Variants in STIM2 observed in about 807,000 individuals in gnomAD.
The protein encoded by STIM2 is stromal interaction molecule 2.
A neutral mutation model predicts 85.8 loss-of-function variants in STIM2; 31 were observed. The ratio of observed to expected loss-of-function variants is 0.36; its 90% CI spans 0.27 to 0.49. The LOEUF is 0.49. Ranked by LOEUF, STIM2 falls within the 20% of genes least tolerant of loss-of-function variation. STIM2 has a pLI of 0.98. For synonymous variants in STIM2, 356 were observed against 331.1 expected, an observed-to-expected ratio of 1.08 and a Z score of -0.82; for missense variants, 841 against 927.6, an observed-to-expected ratio of 0.91 and a Z score of 1.21.
intron 3 of STIM2, among the ~76,000 whole-genome samples, chr4:26,960,996 C>A (rs1014856348): frequency 6.7e-6 from 1 of 149,902 alleles, no homozygotes; most frequent in African/African-American, 2.5e-5. Context: ...CCTGGGAGTG[C>A]GCTACTGCAC....
At chr4:26,874,883 G>A (rs747922492) in intron 1 of STIM2, among the ~76,000 whole-genome samples, 3 of 152,188 alleles carry the variant, frequency 2.0e-5, no homozygotes, top group Non-Finnish European at 4.4e-5. Flanking sequence ...TGAAGGTGCT[G>A]CTGTCATAAT....
At chr4:26,881,238 G>A (rs1037724835) in intron 1 of STIM2, among the ~76,000 whole-genome samples, 4 of 152,122 alleles carry the variant, frequency 2.6e-5, no homozygotes, top group African/African-American at 7.2e-5. Flanking sequence ...GGCCTAGGCA[G>A]GTGGATCATC....
intron 1 of STIM2, among the ~76,000 whole-genome samples, chr4:26,880,231 C>T (rs139427686): frequency 1.1e-3 from 162 of 152,196 alleles, no homozygotes; most frequent in African/African-American, 3.7e-3. Context: ...TGGGCCCTGG[C>T]GCTTGAGGTT....
At chr4:26,941,833 C>G (rs2109082206) in intron 2 of STIM2, among the ~76,000 whole-genome samples, 1 of 152,086 alleles carries the variant, frequency 6.6e-6, no homozygotes, top group Non-Finnish European at 1.5e-5. Flanking sequence ...ATTTTATATA[C>G]AATTCAATGT....
At chr4:26,936,825 T>C (rs1393789001) in intron 2 of STIM2, among the ~76,000 whole-genome samples, 3 of 152,234 alleles carry the variant, frequency 2.0e-5, no homozygotes, top group African/African-American at 7.2e-5. Flanking sequence ...CATGTCGCTC[T>C]GTCACCCAGG....
chr4:26,991,356 C>A (rs972906609), intron 3 of STIM2, among the ~76,000 whole-genome samples: 16 of 151,934 alleles, frequency 1.1e-4, no homozygotes, highest in Non-Finnish European at 2.9e-5. Context: ...CGTTCTTCCT[C>A]AGATATAGGA....
rs752672938 is a variant in STIM2 at position 27,007,536 on chromosome 4, C to T, written c.985C>T (p.Arg329Cys). ...CTCCTTCCTTTCCTTCTTCTAGGTTCGCATGGCTCTGAAAAAGGCCGAAAA... is the reference window on the plus strand; with the variant it reads ...CTCCTTCCTTTCCTTCTTCTAGGTTTGCATGGCTCTGAAAAAGGCCGAAAA... The change falls in exon 8 of 12, where the codon CGC (arginine) becomes TGC (cysteine). Residue 329 changes from arginine to cysteine, a missense_variant. By Grantham distance (180) the Arg-to-Cys change is radical (BLOSUM62 -3). This residue lies in a region of STIM2 where 408 missense variants were observed against 525.4 expected (regional missense o/e 0.78). Transcript: ENST00000467087. The T allele has an allele frequency of 3.3e-6, 5 of 1,518,948 alleles. No homozygotes were observed. Among genetic ancestry groups the T allele is most frequent in the Admixed American group, 2.0e-5 (1 of 49,736 alleles). The allele number at this position is 1,518,948 out of a possible 1,614,324, so 94.1% of individuals were successfully genotyped here.
Position 27,024,923 on chromosome 4 carries a change from A to T in STIM2, c.*1927A>T, listed in dbSNP as rs1729034111. 1 of 152,226 alleles carries T rather than the reference A, an allele frequency of 6.6e-6. No individual in the cohort carries two copies. Among genetic ancestry groups the T allele is most frequent in the East Asian group, 1.9e-4 (1 of 5,202 alleles). 9.4% of individuals were successfully genotyped at this position (152,226 alleles called of 1,614,324 possible). A position where few individuals can be genotyped will look rare whatever the true frequency, so the allele number is the denominator to read the frequency against. ...GCAGTTGGATGAATAGAGAAGGGAA[A>T]AGTTGCTGGAGCACGGAGTGAAGAT... is the stretch of plus-strand genomic sequence containing the variant. On this transcript the variant is annotated 3_prime_UTR_variant, in exon 12 of 12. Coordinates refer to ENST00000467087, the MANE Select transcript of STIM2 (RefSeq NM_020860.4).
chr4:26,872,723 G>T (rs1015304849), intron 1 of STIM2, among the ~76,000 whole-genome samples: 4 of 152,214 alleles, frequency 2.6e-5, no homozygotes, highest in Non-Finnish European at 5.9e-5. Flanking sequence ...TTGCATTTCA[G>T]TTGGGAAGAT....
At chr4:26,914,778 T>C (rs1050755881) in intron 1 of STIM2, among the ~76,000 whole-genome samples, 1 of 152,218 alleles carries the variant, frequency 6.6e-6, no homozygotes, top group Admixed American at 6.5e-5. Context: ...AATGGTTTGT[T>C]CAAGGGGAGT....
chr4:26,952,263 G>T (rs1411207483), intron 2 of STIM2, among the ~76,000 whole-genome samples: 1 of 152,000 alleles, frequency 6.6e-6, no homozygotes. Context: ...ACAAATTACG[G>T]TGTCTTGGGT....
intron 1 of STIM2, among the ~76,000 whole-genome samples, chr4:26,886,204 TTTTTCTGTG>T (rs1723241500): frequency 6.6e-6 from 1 of 152,130 alleles, no homozygotes; most frequent in African/African-American, 2.4e-5. Flanking sequence ...TTCTTAAAGC[TTTTTCTGTG>T]TAGGAGCATA....
chr4:27,012,888 A>T (rs1728605715), intron 10 of STIM2, among the ~76,000 whole-genome samples: 2 of 152,036 alleles, frequency 1.3e-5, no homozygotes, highest in African/African-American at 2.4e-5. Flanking sequence ...AATTTTACCA[A>T]ATTATTTTTC....
intron 11 of STIM2, 47 bp from the exon 12 acceptor site, chr4:27,022,472 A>G: frequency 6.8e-7 from 1 of 1,468,854 alleles, no homozygotes; most frequent in Non-Finnish European, 9.3e-7. Context: ...AGTACTCTTA[A>G]GAACATACTG....
intron 1 of STIM2, chr4:26,873,860 C>G: frequency 2.6e-6 from 3 of 1,171,210 alleles, no homozygotes; most frequent in Non-Finnish European, 3.8e-6. Flanking sequence ...TGAACCCATC[C>G]GGGCAGAGAG....
intron 1 of STIM2, among the ~76,000 whole-genome samples, chr4:26,879,460 T>C (rs1722924912): frequency 6.6e-6 from 1 of 152,190 alleles, no homozygotes; most frequent in South Asian, 2.1e-4. Context: ...ACAAAACATT[T>C]ATTGAATACC....
chr4:26,972,668 C>T lies in STIM2; in HGVS notation c.397+14942C>T, dbSNP rs941671529. Among the ~76,000 whole-genome samples the T allele has an allele frequency of 1.1e-4, 16 of 152,114 alleles. 1 individual carries two copies. The highest frequency in any genetic ancestry group is 9.8e-4 in the Admixed American group (15 of 15,276). On this transcript the variant is annotated intron_variant, in intron 3 of 11. Coordinates refer to ENST00000467087, the MANE Select transcript of STIM2 (RefSeq NM_020860.4). ...AGTATTTTATTGAGGATTTTTACAT[C>T]GTTGTTGATCAGGGATATTGGTCTA...
intron 2 of STIM2, among the ~76,000 whole-genome samples, chr4:26,956,676 C>G (rs1726255486): frequency 6.6e-6 from 1 of 151,412 alleles, no homozygotes; most frequent in South Asian, 2.1e-4. Flanking sequence ...AAAGTAGTAG[C>G]TTAAAAAAGG....
chr4:26,873,355 A>G (rs1238918091), intron 1 of STIM2, among the ~76,000 whole-genome samples: 2 of 151,686 alleles, frequency 1.3e-5, no homozygotes, highest in Admixed American at 6.6e-5. Flanking sequence ...AGATCGTGCC[A>G]TTGCACTCCA....
Sources: gnomAD v4.1 joint callset for allele counts (sites outside exome capture counted in the v4.1 genomes callset) on GRCh38, gnomAD v4.1.1 for gene constraint, gnomAD v4.1.1 regional missense constraint, MANE v1.5 for transcripts, NCBI Gene and HGNC (gene_info 2026-07-23, HGNC 2026-07-21) for gene names.